The following NFIC variants were observed in gnomAD, a reference collection of about 807,000 sequenced individuals.
NFIC encodes nuclear factor I C, also known as nuclear factor 1 C-type.
NFIC carries 12 observed loss-of-function variants against 54.4 expected under a neutral mutation model. That is an observed-to-expected ratio of 0.22 (90% CI 0.14 to 0.36). The LOEUF is 0.36. Ranked by LOEUF, NFIC falls within the 10% of genes least tolerant of loss-of-function variation. The pLI is 1.00. For synonymous variants in NFIC, 322 were observed against 319.2 expected (o/e 1.01, Z -0.09); for missense variants, 575 against 718.2 (o/e 0.80, Z 2.28).
Position 3,366,633 on chromosome 19 carries a change from C to A in NFIC, c.-4C>A. 6.7e-7 allele frequency: 1 copy of A among 1,499,480 alleles called. No individual in the cohort carries two copies. Among genetic ancestry groups the A allele is most frequent in the Non-Finnish European group, 8.8e-7 (1 of 1,130,782 alleles). The allele number at this position is 1,499,480 out of a possible 1,614,324, so 92.9% of individuals were successfully genotyped here. A position where few individuals can be genotyped will look rare whatever the true frequency, so the allele number is the denominator to read the frequency against. ...CCGGCCCTGCGCCTCCCGCCGCGCC[C>A]GGGATGTATTCGTCCCCGCTCTGCC... On this transcript the variant is annotated 5_prime_UTR_variant, in exon 1 of 11. Coordinates refer to ENST00000443272, the MANE Select transcript of NFIC (RefSeq NM_001245002.2).
At chr19:3,362,985 G>A (rs531771836), upstream of NFIC, among the ~76,000 whole-genome samples, 87 of 151,894 alleles carry the variant, frequency 5.7e-4, no homozygotes, top group Non-Finnish European at 1.1e-3. Flanking sequence ...AATTACTGAA[G>A]CCATTAGTGA....
chr19:3,376,506 G>A (rs2081111259), intron 1 of NFIC, among the ~76,000 whole-genome samples: 1 of 151,680 alleles, frequency 6.6e-6, no homozygotes, highest in Non-Finnish European at 1.5e-5. Context: ...GCCGAGGTGG[G>A]AGGATCACTT....
chr19:3,436,797 G>A (rs1335858985), intron 6 of NFIC, among the ~76,000 whole-genome samples: 1 of 152,090 alleles, frequency 6.6e-6, no homozygotes, highest in Non-Finnish European at 1.5e-5. Context: ...TTTAGAAGCA[G>A]TATAACATTA....
intron 1 of NFIC, 24 bp downstream of exon 1, chr19:3,366,690 G>GCCGGCGCCC: frequency 1.5e-6 from 2 of 1,366,826 alleles, no homozygotes; most frequent in Non-Finnish European, 1.9e-6. Context: ...CCGGCCCCCC[G>GCCGGCGCCC]CCGGCGCCCC....
At chr19:3,387,003 G>A (rs76834728) in intron 2 of NFIC, among the ~76,000 whole-genome samples, 1,703 of 152,330 alleles carry the variant, frequency 0.011, 37 homozygotes, top group African/African-American at 0.039. Flanking sequence ...AGTCCCCTTG[G>A]CTGTGGAGCG....
At chr19:3,382,530 A>C (rs1445507102) in intron 2 of NFIC, among the ~76,000 whole-genome samples, 1 of 151,388 alleles carries the variant, frequency 6.6e-6, no homozygotes, top group Non-Finnish European at 1.5e-5. Flanking sequence ...CTGAGAGAGG[A>C]GGCCAGTGCA....
Position 3,434,343 on chromosome 19 carries a change from A to G in NFIC, c.776A>G (p.Asp259Gly). ...GAGCTGCAGGGGCACCTGGCATACG[A>G]CCTGAACCCAGCCAGCACTGGCCTC... is the stretch of plus-strand genomic sequence containing the variant. ...LGELQGHLAY[D>G]LNPASTGLRR... The change falls in exon 5 of 11, where the codon GAC becomes GGC. Residue 259 changes from aspartate to glycine, a missense_variant. By Grantham distance (94) the Asp-to-Gly change is moderately conservative. Transcript: ENST00000443272. 1.2e-6 allele frequency: 2 copies of G among 1,613,300 alleles called. No homozygotes were observed. The highest frequency in any genetic ancestry group is 1.7e-6 in the Non-Finnish European group (2 of 1,179,828).
At chr19:3,400,025 T>G (rs773723543) in intron 2 of NFIC, among the ~76,000 whole-genome samples, 1 of 150,468 alleles carries the variant, frequency 6.6e-6, no homozygotes, top group Non-Finnish European at 1.5e-5. Context: ...TCTCAAAAAT[T>G]TTTGAAAACA....
intron 2 of NFIC, among the ~76,000 whole-genome samples, chr19:3,408,178 C>T (rs1239489027): frequency 6.6e-6 from 1 of 152,086 alleles, no homozygotes; most frequent in African/African-American, 2.4e-5. Context: ...ACCTGGGCTC[C>T]GTGAGGTCCA....
At chr19:3,443,786 C>T (rs537771277) in intron 6 of NFIC, among the ~76,000 whole-genome samples, 4 of 152,086 alleles carry the variant, frequency 2.6e-5, no homozygotes, top group Non-Finnish European at 5.9e-5. Flanking sequence ...CCAGGGACAC[C>T]GCTTAGCACC....
At chr19:3,377,598 T>C (rs1296103338) in intron 1 of NFIC, among the ~76,000 whole-genome samples, 1 of 151,952 alleles carries the variant, frequency 6.6e-6, no homozygotes, top group Non-Finnish European at 1.5e-5. Context: ...CAGATGTTTT[T>C]AATTTGTTTT....
In NFIC at chr19:3,463,336, G is replaced by C. The variant is rs1292401168; in HGVS notation, c.*567G>C. 2.0e-6 allele frequency: 2 copies of C among 986,660 alleles called. No individual in the cohort carries two copies. The highest frequency in any genetic ancestry group is 3.5e-5 in the African/African-American group (2 of 57,228). The allele number at this position is 986,660 out of a possible 1,614,324, so 61.1% of individuals were successfully genotyped here. A position where few individuals can be genotyped will look rare whatever the true frequency, so the allele number is the denominator to read the frequency against. On this transcript the variant is annotated 3_prime_UTR_variant, in exon 11 of 11. Coordinates refer to ENST00000443272, the MANE Select transcript of NFIC (RefSeq NM_001245002.2). ...CCCCACCGAGGACGCAGCCACTGGG[G>C]GGAAAGGGAGACACAGCGGACCCCG...
At chr19:3,408,078 C>T (rs369156401) in intron 2 of NFIC, among the ~76,000 whole-genome samples, 7 of 152,082 alleles carry the variant, frequency 4.6e-5, no homozygotes, top group Admixed American at 2.0e-4. Flanking sequence ...GGGAGGCGGA[C>T]GTGGCAGCCG....
At chr19:3,441,954 G>C (rs2082300700) in intron 6 of NFIC, among the ~76,000 whole-genome samples, 1 of 152,206 alleles carries the variant, frequency 6.6e-6, no homozygotes, top group African/African-American at 2.4e-5. Context: ...TCATTAAGGG[G>C]GTTAAGCTGA....
chr19:3,432,950 G>T lies in NFIC; in HGVS notation c.635-568G>T, dbSNP rs141445046. Among the ~76,000 whole-genome samples, 277 of 149,002 alleles carry T rather than the reference G, an allele frequency of 1.9e-3. 2 individuals carry two copies. The highest frequency in any genetic ancestry group is 6.5e-3 in the African/African-American group (261 of 40,254). ...CTCCCAAAGTGCTGGGATTACAGACGTGAGCCACCGCACCCGGCTCCACTC... is the reference window on the plus strand; with the variant it reads ...CTCCCAAAGTGCTGGGATTACAGACTTGAGCCACCGCACCCGGCTCCACTC... On this transcript the variant is annotated intron_variant, in intron 3 of 10. Coordinates refer to ENST00000443272, the MANE Select transcript of NFIC (RefSeq NM_001245002.2).
chr19:3,448,502 C>G (rs1325333755), intron 6 of NFIC, among the ~76,000 whole-genome samples: 2 of 152,166 alleles, frequency 1.3e-5, no homozygotes, highest in African/African-American at 2.4e-5. Flanking sequence ...GTGATGCCAG[C>G]AAGTCACTGC....
At chr19:3,448,947 TTGGGGAAGGTC>T in intron 6 of NFIC, 56 bp from the exon 7 acceptor site, 1 of 1,531,534 alleles carries the variant, frequency 6.5e-7, no homozygotes, top group Non-Finnish European at 8.8e-7. Flanking sequence ...GAGGCTGGCT[TTGGGGAAGGTC>T]CAGGGCTCAT....
intron 10 of NFIC, among the ~76,000 whole-genome samples, chr19:3,457,607 G>C (rs1013497227): frequency 6.6e-6 from 1 of 152,192 alleles, no homozygotes; most frequent in Non-Finnish European, 1.5e-5. Flanking sequence ...GGGAGGTCCA[G>C]ACTCAGAGAG....
chr19:3,399,735 G>A (rs1371889399), intron 2 of NFIC, among the ~76,000 whole-genome samples: 3 of 151,904 alleles, frequency 2.0e-5, no homozygotes, highest in Non-Finnish European at 4.4e-5. Context: ...AGCTGGGCGT[G>A]TGGTGGGAGC....
Sources: allele counts gnomAD v4.1 joint callset (sites outside exome capture counted in the v4.1 genomes callset), GRCh38; gene constraint gnomAD v4.1.1; transcripts MANE v1.5; gene names NCBI Gene and HGNC (gene_info 2026-07-23, HGNC 2026-07-21).